Variants in BRD7 observed in about 807,000 individuals in gnomAD.
BRD7 encodes the protein bromodomain-containing protein 7.
In BRD7, 15 loss-of-function variants were observed where a neutral mutation model predicts 82.1. The ratio of observed to expected loss-of-function variants is 0.18; its 90% CI spans 0.12 to 0.28. The LOEUF is 0.28. Ranked by LOEUF, BRD7 falls within the 10% of genes least tolerant of loss-of-function variation. The probability of loss-of-function intolerance (pLI) is 1.00; values close to 1 mark genes in which losing one functional copy is unlikely to be tolerated. For missense variants in BRD7, 638 were observed against 779.9 expected (o/e 0.82, Z 2.17); for synonymous variants, 232 against 266.9 (o/e 0.87, Z 1.27).
rs1472542557 is a variant in BRD7 at position 50,316,805 on chromosome 16, A to T, written c.*2406T>A. The T allele has an allele frequency of 6.6e-6, 1 of 152,364 alleles. No homozygotes were observed. The highest frequency in any genetic ancestry group is 1.5e-5 in the Non-Finnish European group (1 of 68,046). 9.4% of individuals were successfully genotyped at this position (152,364 alleles called of 1,614,324 possible). A position where few individuals can be genotyped will look rare whatever the true frequency, so the allele number is the denominator to read the frequency against. ...TGACTTTTTCTGAATGGACTTCATA[A>T]CCGGAAGACTTAACCGGTGGCCTCA... On this transcript the variant is annotated 3_prime_UTR_variant, in exon 17 of 17. Transcript: ENST00000394688.
intron 9 of BRD7, among the ~76,000 whole-genome samples, chr16:50,327,275 A>ACACATTT (rs1477156704): frequency 2.0e-5 from 3 of 152,164 alleles, no homozygotes; most frequent in Non-Finnish European, 4.4e-5. Context: ...ACATTTGATT[A>ACACATTT]GGTCTCAGAA....
chr16:50,330,527 T>G (rs1237568058), intron 8 of BRD7, among the ~76,000 whole-genome samples: 3 of 152,102 alleles, frequency 2.0e-5, no homozygotes, highest in Admixed American at 2.0e-4. Flanking sequence ...TTGTTATGAC[T>G]TTGGAAATGA....
chr16:50,333,726 A>AG lies in BRD7; in HGVS notation c.888-30_888-29insC, dbSNP rs751977044. 1.9e-5 allele frequency: 27 copies of AG among 1,456,460 alleles called. 1 individual carries two copies. The African/African-American group carries it at 1.9e-4, about 10-fold the overall frequency. The allele number at this position is 1,456,460 out of a possible 1,614,324, so 90.2% of individuals were successfully genotyped here. On this transcript the variant is annotated intron_variant, in intron 7 of 16. Transcript: ENST00000394688. The stretch of plus-strand genomic sequence containing the variant: ...AAAATATACATTAATACTAAGTAAA[A>AG]AAAAAACAAAGATAAGTAAGATGAA...
chr16:50,345,345 A>C (rs1258701747), intron 5 of BRD7, among the ~76,000 whole-genome samples: 1 of 152,248 alleles, frequency 6.6e-6, no homozygotes, highest in Non-Finnish European at 1.5e-5. Flanking sequence ...CAAGGCTAGA[A>C]AGAAACTGCA....
intron 2 of BRD7, among the ~76,000 whole-genome samples, chr16:50,362,633 C>T (rs891702462): frequency 6.6e-6 from 1 of 152,158 alleles, no homozygotes; most frequent in Non-Finnish European, 1.5e-5. Context: ...GAAGGACATT[C>T]CAACACACGC....
intron 5 of BRD7, among the ~76,000 whole-genome samples, chr16:50,346,518 C>T (rs6500308): frequency 0.15 from 22,335 of 152,044 alleles, 2,097 homozygotes; most frequent in Non-Finnish European, 0.21. Context: ...ATTGATAGAC[C>T]ACTAGCAAGA....
Position 50,323,589 on chromosome 16 carries a change from T to A in BRD7, c.1441A>T (p.Met481Leu). Residue 481 changes from methionine to leucine, a missense_variant and splice_region_variant, in exon 12 of 17, where the codon ATG becomes TTG. Met to Leu is a conservative substitution (Grantham distance 15, BLOSUM62 2). This residue lies in a region of BRD7 where 402 missense variants were observed against 500.8 expected (regional missense o/e 0.80). Transcript: ENST00000394688. ...GTTTTCATTAGCAGTGTTCTTACCATCTCCATCTCTTGTAGGGTCCTGGAA... is the reference window on the plus strand; with the variant it reads ...GTTTTCATTAGCAGTGTTCTTACCAACTCCATCTCTTGTAGGGTCCTGGAA... Reference protein sequence around the residue: ...GHSRTLQEMEMSLPEDEGHTR... With the variant: ...GHSRTLQEMELSLPEDEGHTR... 6.3e-7 allele frequency: 1 copy of A among 1,598,436 alleles called. No individual in the cohort carries two copies. The highest frequency in any genetic ancestry group is 2.2e-5 in the East Asian group (1 of 44,800).
chr16:50,339,506 T>G (rs980782413), intron 6 of BRD7, among the ~76,000 whole-genome samples: 59 of 152,182 alleles, frequency 3.9e-4, no homozygotes, highest in Non-Finnish European at 8.2e-4. Context: ...AAAAATACAG[T>G]ATTACAATCT....
chr16:50,319,079 G>C lies in BRD7; in HGVS notation c.*132C>G, dbSNP rs1567593481. The C allele has an allele frequency of 2.3e-6, 2 of 882,790 alleles. No individual in the cohort carries two copies. The highest frequency in any genetic ancestry group is 3.5e-6 in the Non-Finnish European group (2 of 579,584). 54.7% of individuals were successfully genotyped at this position (882,790 alleles called of 1,614,324 possible). A position where few individuals can be genotyped will look rare whatever the true frequency, so the allele number is the denominator to read the frequency against. On this transcript the variant is annotated 3_prime_UTR_variant, in exon 17 of 17. Transcript: ENST00000394688. ...TTACCTAATACAAGTCCAACCTCTG[G>C]AACATCCAAATTCGCTGTTCCAAAG...
intron 2 of BRD7, among the ~76,000 whole-genome samples, chr16:50,365,769 C>T (rs1001879340): frequency 6.6e-6 from 1 of 151,976 alleles, no homozygotes; most frequent in Non-Finnish European, 1.5e-5. Context: ...GAACCCTCCC[C>T]CACCCCACAC....
intron 5 of BRD7, among the ~76,000 whole-genome samples, chr16:50,343,759 C>T (rs540218083): frequency 2.6e-4 from 39 of 152,304 alleles, no homozygotes; most frequent in African/African-American, 9.1e-4. Context: ...GGGGGAGGGG[C>T]GCCCACCACT....
chr16:50,345,804 A>G (rs1485871399), intron 5 of BRD7, among the ~76,000 whole-genome samples: 4 of 152,198 alleles, frequency 2.6e-5, no homozygotes, highest in Non-Finnish European at 5.9e-5. Flanking sequence ...ACTTAGACTC[A>G]CACGCAATAA....
chr16:50,353,292 T>G (rs1380170924), intron 4 of BRD7, among the ~76,000 whole-genome samples: 1 of 152,058 alleles, frequency 6.6e-6, no homozygotes, highest in African/African-American at 2.4e-5. Flanking sequence ...CTTAAACTCC[T>G]GGCCTCAACT....
At chr16:50,320,054 G>T (rs199533431) in intron 15 of BRD7, 24 bp from the exon 16 acceptor site, 1 of 1,593,918 alleles carries the variant, frequency 6.3e-7, no homozygotes, top group Non-Finnish European at 8.5e-7. Flanking sequence ...CAAAGTTCCA[G>T]ATACTAAAGC....
chr16:50,329,536 G>A (rs1269291029), intron 8 of BRD7, among the ~76,000 whole-genome samples: 2 of 152,218 alleles, frequency 1.3e-5, no homozygotes, highest in Non-Finnish European at 1.5e-5. Flanking sequence ...CATCCGTGGA[G>A]GAAATCCCAG....
At chr16:50,320,432 T>A (rs2037046945) in intron 14 of BRD7, 41 bp from the exon 15 acceptor site, 2 of 1,599,448 alleles carry the variant, frequency 1.3e-6, no homozygotes, top group Non-Finnish European at 1.7e-6. Flanking sequence ...TTTGATCTTG[T>A]GCAGTAAACC....
intron 5 of BRD7, chr16:50,349,303 A>G: frequency 3.7e-6 from 1 of 272,144 alleles, no homozygotes; most frequent in Non-Finnish European, 7.2e-6. Flanking sequence ...GTAAATGATG[A>G]GTTAATGGGT....
Position 50,350,035 on chromosome 16 carries a change from T to C in BRD7, c.579A>G (p.Ile193Met). 1 of 1,593,232 alleles carries C rather than the reference T, an allele frequency of 6.3e-7. No individual in the cohort carries two copies. Among genetic ancestry groups the C allele is most frequent in the Non-Finnish European group, 8.5e-7 (1 of 1,173,776 alleles). ...EKIKNNDYQSIEELKDNFKLM... is the reference protein window; with the variant it reads ...EKIKNNDYQSMEELKDNFKLM... ...ATTGAAGAGTTACCTTTAGTTCTTCTATGGACTGATAGTCATTGTTCTTGA... is the reference window on the plus strand; with the variant it reads ...ATTGAAGAGTTACCTTTAGTTCTTCCATGGACTGATAGTCATTGTTCTTGA... The change falls in exon 5 of 17, where the codon ATA becomes ATG. Residue 193 changes from isoleucine (I) to methionine (M), a missense_variant. Transcript: ENST00000394688.
chr16:50,332,238 C>G (rs1485423093), intron 8 of BRD7, among the ~76,000 whole-genome samples: 2 of 105,316 alleles, frequency 1.9e-5, no homozygotes, highest in Non-Finnish European at 3.7e-5. Context: ...AACTACGCAT[C>G]CAATAAAGGA....
Sources: allele counts gnomAD v4.1 joint callset (sites outside exome capture counted in the v4.1 genomes callset), GRCh38; gene constraint gnomAD v4.1.1; regional missense constraint gnomAD v4.1.1; transcripts MANE v1.5; gene names NCBI Gene and HGNC (gene_info 2026-07-23, HGNC 2026-07-21).